The following ARHGEF38 variants were observed in gnomAD, a reference collection of about 807,000 sequenced individuals.
ARHGEF38 encodes the protein Rho guanine nucleotide exchange factor 38, also known as Rho guanine nucleotide exchange factor (GEF) 38.
ARHGEF38 carries 79 observed loss-of-function variants against 79.9 expected under a neutral mutation model. The ratio of observed to expected loss-of-function variants is 0.99; its 90% CI spans 0.82 to 1.19. The LOEUF (loss-of-function observed/expected upper bound fraction) is 1.19. Ranked by LOEUF, ARHGEF38 falls within the 50% of genes most tolerant of loss-of-function variation. ARHGEF38 has a pLI of 0.00. For missense variants in ARHGEF38, 962 were observed against 907.2 expected, an observed-to-expected ratio of 1.06 and a Z score of -0.78; for synonymous variants, 366 against 328.3, an observed-to-expected ratio of 1.11 and a Z score of -1.24.
At chr4:105,579,604 T>A (rs2110437217) in intron 1 of ARHGEF38, among the ~76,000 whole-genome samples, 1 of 152,264 alleles carries the variant, frequency 6.6e-6, no homozygotes, top group East Asian at 1.9e-4. Flanking sequence ...GTGAATTAGC[T>A]TTTTGATGTG....
rs1725778501 is a variant in ARHGEF38 at position 105,564,243 on chromosome 4, T to A, written c.196+11282T>A. Among the ~76,000 whole-genome samples the A allele has an allele frequency of 3.3e-5, 5 of 152,354 alleles. No individual in the cohort carries two copies. The South Asian group carries it at 1.0e-3, about 32-fold the overall frequency. ...TGAAAATATTTATTGTTGTGCATGC[T>A]TCATAATATGTATGATACATTAATA... On this transcript the variant is annotated intron_variant, in intron 1 of 13. Transcript: ENST00000420470.
rs1399531141 is a variant in ARHGEF38, at chr4:105,645,521, G to A, written c.874+134G>A. ...ATTTGAAATCTACAATTAGAAGCTG[G>A]AGAGAAGAGTGTGGTTTTGCCTTGT... On this transcript the variant is annotated intron_variant, in intron 6 of 13. Transcript: ENST00000420470. 3.9e-6 allele frequency: 3 copies of A among 776,938 alleles called. No homozygotes were observed. The East Asian group carries it at 8.5e-5, about 22-fold the overall frequency. The allele number at this position is 776,938 out of a possible 1,614,324, so 48.1% of individuals were successfully genotyped here.
In ARHGEF38 at chr4:105,665,120, C is replaced by A. The variant is rs565287795; in HGVS notation, c.1546-1057C>A. ...CCAAGCAGTCCTCCTGCCTCAGCCTCCAGAGTAGCTGGGATTACAGGCACA... is the reference window on the plus strand; with the variant it reads ...CCAAGCAGTCCTCCTGCCTCAGCCTACAGAGTAGCTGGGATTACAGGCACA... On this transcript the variant is annotated intron_variant, in intron 10 of 13. Transcript: ENST00000420470. Among the ~76,000 whole-genome samples the A allele has an allele frequency of 5.3e-5, 8 of 152,108 alleles. No homozygotes were observed. The East Asian group carries it at 1.6e-3, about 29-fold the overall frequency.
chr4:105,630,845 A>G, intron 3 of ARHGEF38, 53 bp from the exon 4 acceptor site: 4 of 1,496,532 alleles, frequency 2.7e-6, no homozygotes, highest in Non-Finnish European at 3.6e-6. Flanking sequence ...TAATCATGTG[A>G]AGTGCCAGCT....
rs372438081 is a variant in ARHGEF38, at chr4:105,638,221, GT to G, written c.674+1809del. ...CAATCAAAAATTATCCGTTTTTTAG[GT>G]TTTTTTTACAACCTACCTTCTTAAA... On this transcript the variant is annotated intron_variant, in intron 5 of 13. Transcript: ENST00000420470. 5.3e-5 allele frequency among the ~76,000 whole-genome samples: 8 copies of G among 151,766 alleles called. No homozygotes were observed. In the East Asian group the frequency reaches 9.6e-4, roughly 18 times the overall value.
intron 6 of ARHGEF38, among the ~76,000 whole-genome samples, chr4:105,646,009 T>C (rs547056918): frequency 1.3e-5 from 2 of 152,346 alleles, no homozygotes; most frequent in East Asian, 3.9e-4. Context: ...CCAGAGGTAG[T>C]AATGCATTGA....
Position 105,659,293 on chromosome 4 carries a change from T to A in ARHGEF38, c.1473T>A (p.Cys491Ter), listed in dbSNP as rs28711802. The A allele has an allele frequency of 3.3e-6, 5 of 1,535,938 alleles. No individual in the cohort carries two copies. In the African/African-American group the frequency reaches 4.1e-5, roughly 13 times the overall value. The change falls in exon 10 of 14, where the codon TGT becomes TGA. Residue 491 changes from cysteine (C) to a stop codon, truncating the protein, a stop_gained. Coordinates refer to ENST00000420470, the MANE Select transcript of ARHGEF38 (RefSeq NM_001242729.2). LOFTEE classifies it high-confidence loss of function. ...NQAARKILLNCLCSFITLLRD... is the reference protein window; with the variant it reads ...NQAARKILLN ...CTGCTCGGAAGATTCTGTTGAACTG[T>A]CTATGCAGCTTCATTACCCTCCTTA...
chr4:105,562,445 G>A (rs994843413), intron 1 of ARHGEF38, among the ~76,000 whole-genome samples: 3 of 152,014 alleles, frequency 2.0e-5, no homozygotes, highest in African/African-American at 7.3e-5. Context: ...TTACAATTCT[G>A]TCATTTTCAC....
intron 1 of ARHGEF38, among the ~76,000 whole-genome samples, chr4:105,565,377 T>G (rs1358564582): frequency 6.6e-6 from 1 of 152,224 alleles, no homozygotes; most frequent in Admixed American, 6.5e-5. Context: ...GAAACTGATT[T>G]TAAACGATAA....
chr4:105,645,525 G>T (rs1729802398), intron 6 of ARHGEF38, 138 bp downstream of exon 6: 1 of 761,718 alleles, frequency 1.3e-6, no homozygotes, highest in East Asian at 2.8e-5. Flanking sequence ...AAGCTGGAGA[G>T]AAGAGTGTGG....
At chr4:105,572,016 A>T (rs1343604318) in intron 1 of ARHGEF38, among the ~76,000 whole-genome samples, 2 of 152,228 alleles carry the variant, frequency 1.3e-5, no homozygotes, top group Non-Finnish European at 2.9e-5. Flanking sequence ...AGGTCATTCC[A>T]TCATCAGTAT....
intron 2 of ARHGEF38, among the ~76,000 whole-genome samples, chr4:105,606,061 TTG>T (rs1728024464): frequency 6.6e-6 from 1 of 152,080 alleles, no homozygotes; most frequent in Admixed American, 6.6e-5. Flanking sequence ...CACCAAAATG[TTG>T]TGTGTGGAAC....
chr4:105,624,758 C>T (rs929386912), intron 3 of ARHGEF38, among the ~76,000 whole-genome samples: 3 of 152,216 alleles, frequency 2.0e-5, no homozygotes, highest in African/African-American at 7.2e-5. Context: ...TTAGTCATGG[C>T]AGCTGGGCTC....
At position 105,589,280 on chromosome 4, in the gene ARHGEF38, G is replaced by A; in HGVS notation, c.229G>A (p.Ala77Thr). Residue 77 changes from alanine to threonine, a missense_variant, in exon 2 of 14, where the codon GCT (alanine) becomes ACT (threonine). Ala to Thr is a moderately conservative substitution (Grantham distance 58). Transcript: ENST00000420470. ...GACTCCACAGGGTGAGTGTTCTGTA[G>A]CTGAGACCTTAACCCCAGAGGAAGA... ...KMTPQGECSV[A>T]ETLTPEEEHH... The A allele has an allele frequency of 6.2e-7, 1 of 1,613,992 alleles. No homozygotes were observed. The highest frequency in any genetic ancestry group is 1.1e-5 in the South Asian group (1 of 91,060).
intron 1 of ARHGEF38, among the ~76,000 whole-genome samples, chr4:105,557,949 A>G (rs1201717175): frequency 6.6e-6 from 1 of 152,216 alleles, no homozygotes; most frequent in East Asian, 1.9e-4. Flanking sequence ...AGGTGAGAAT[A>G]CATGGGTAAA....
chr4:105,580,787 A>G (rs1726748847), intron 1 of ARHGEF38, among the ~76,000 whole-genome samples: 1 of 152,046 alleles, frequency 6.6e-6, no homozygotes. Context: ...ATTTCAGTTC[A>G]CTACAACCTC....
intron 5 of ARHGEF38, among the ~76,000 whole-genome samples, chr4:105,639,652 G>A (rs1729540628): frequency 2.0e-5 from 3 of 151,864 alleles, no homozygotes; most frequent in South Asian, 4.1e-4. Flanking sequence ...CCACTGAATA[G>A]GATTGTCAAA....
At chr4:105,581,402 T>G (rs1726784245) in intron 1 of ARHGEF38, among the ~76,000 whole-genome samples, 1 of 152,180 alleles carries the variant, frequency 6.6e-6, no homozygotes, top group Non-Finnish European at 1.5e-5. Context: ...TTATACCCTC[T>G]AGACCTCCTA....
At chr4:105,644,984 T>G (rs762970524) in intron 5 of ARHGEF38, among the ~76,000 whole-genome samples, 2 of 152,234 alleles carry the variant, frequency 1.3e-5, no homozygotes, top group Non-Finnish European at 2.9e-5. Flanking sequence ...TATACTTGTT[T>G]CTTTTAGGTT....
Sources: gnomAD v4.1 joint callset for allele counts (sites outside exome capture counted in the v4.1 genomes callset) on GRCh38, gnomAD v4.1.1 for gene constraint, MANE v1.5 for transcripts, NCBI Gene and HGNC (gene_info 2026-07-23, HGNC 2026-07-21) for gene names.